The following MICU3 variants were observed in gnomAD, a reference collection of about 807,000 sequenced individuals.
MICU3 encodes calcium uptake protein 3, mitochondrial.
MICU3 carries 62 observed loss-of-function variants against 66.5 expected under a neutral mutation model. That is an observed-to-expected ratio of 0.93 (90% CI 0.76 to 1.15). The LOEUF is 1.15. Ranked by LOEUF, MICU3 falls within the 50% of genes most tolerant of loss-of-function variation. MICU3 has a pLI of 0.00. For synonymous variants in MICU3, 308 were observed against 240.7 expected, an observed-to-expected ratio of 1.28 and a Z score of -2.59; for missense variants, 779 against 664.4, an observed-to-expected ratio of 1.17 and a Z score of -1.90.
intron 1 of MICU3, among the ~76,000 whole-genome samples, chr8:17,029,119 T>C (rs963544227): frequency 1.3e-5 from 2 of 152,212 alleles, no homozygotes; most frequent in African/African-American, 4.8e-5. Context: ...TGGGGTGTTA[T>C]GAGAGTTAAA....
At chr8:17,106,490 A>G (rs1456823641) in intron 11 of MICU3, among the ~76,000 whole-genome samples, 1 of 150,552 alleles carries the variant, frequency 6.6e-6, no homozygotes, top group African/African-American at 2.4e-5. Context: ...AAATTGTACT[A>G]CCCTAGTAGT....
rs1479949848 is a variant in MICU3 at position 17,027,303 on chromosome 8, G to C, written c.24G>C (p.Leu8Phe). The C allele has an allele frequency of 1.3e-6, 2 of 1,524,932 alleles. No individual in the cohort carries two copies. Among genetic ancestry groups the C allele is most frequent in the South Asian group, 1.2e-5 (1 of 82,600 alleles). The allele number at this position is 1,524,932 out of a possible 1,614,324, so 94.5% of individuals were successfully genotyped here. ...CTATGGCTGCGCTGCGAAGGCTCTT[G>C]TGGCCGCCACCCCGGGTGTCTCCTC... MAALRRL[L>F]WPPPRVSPPL... Residue 8 changes from leucine (L) to phenylalanine (F), a missense_variant, in exon 1 of 15, where the codon TTG (leucine) becomes TTC (phenylalanine). Transcript: ENST00000318063.
At chr8:17,109,879 T>C (rs545939224) in intron 11 of MICU3, among the ~76,000 whole-genome samples, 1 of 152,316 alleles carries the variant, frequency 6.6e-6, no homozygotes, top group Non-Finnish European at 1.5e-5. Flanking sequence ...GTAGTATAAT[T>C]ATTGTTATTA....
At chr8:17,102,991 G>A (rs1801399767) in intron 9 of MICU3, among the ~76,000 whole-genome samples, 1 of 151,894 alleles carries the variant, frequency 6.6e-6, no homozygotes, top group Non-Finnish European at 1.5e-5. Context: ...ATATTTAGTC[G>A]ATTACTAAAG....
chr8:17,119,585 C>T (rs1360311880), intron 14 of MICU3, among the ~76,000 whole-genome samples: 2 of 133,800 alleles, frequency 1.5e-5, no homozygotes, highest in African/African-American at 3.5e-5. Flanking sequence ...AGAGGTGTTT[C>T]CCAAAGTGGT....
intron 1 of MICU3, among the ~76,000 whole-genome samples, chr8:17,053,190 GTAT>G (rs1339434758): frequency 2.0e-5 from 3 of 152,040 alleles, no homozygotes; most frequent in African/African-American, 7.2e-5. Flanking sequence ...AAAAGGTAAG[GTAT>G]TATGCAGAGT....
At chr8:17,091,968 C>G (rs1051689290) in intron 8 of MICU3, among the ~76,000 whole-genome samples, 2 of 152,008 alleles carry the variant, frequency 1.3e-5, no homozygotes, top group African/African-American at 2.4e-5. Context: ...ACCTCCAACT[C>G]CCTGGTTCAA....
At chr8:17,090,860 A>G (rs1436104728) in intron 8 of MICU3, among the ~76,000 whole-genome samples, 2 of 152,096 alleles carry the variant, frequency 1.3e-5, no homozygotes, top group African/African-American at 4.8e-5. Context: ...TTGAAATTTT[A>G]TATCTTTTAG....
chr8:17,031,262 T>TTTTTTATTATTATTA (rs111800861), intron 1 of MICU3, among the ~76,000 whole-genome samples: 36 of 139,192 alleles, frequency 2.6e-4, no homozygotes, highest in African/African-American at 8.4e-4. Context: ...TGCCACTTCA[T>TTTTTTATTATTATTA]TTATTATTAT....
At chr8:17,124,685 T>G (rs1040666618), downstream of MICU3, among the ~76,000 whole-genome samples, 3 of 151,880 alleles carry the variant, frequency 2.0e-5, no homozygotes, top group African/African-American at 7.3e-5. Flanking sequence ...GCACAGTAAG[T>G]AAATTTTGAG....
chr8:17,114,941 A>G (rs1249016344), intron 12 of MICU3, among the ~76,000 whole-genome samples: 3 of 151,830 alleles, frequency 2.0e-5, no homozygotes, highest in Admixed American at 2.0e-4. Context: ...AAAACGGTGA[A>G]ACCCCGTCTC....
chr8:17,081,895 A>G, intron 5 of MICU3, 155 bp downstream of exon 5: 1 of 502,526 alleles, frequency 2.0e-6, no homozygotes, highest in Non-Finnish European at 3.6e-6. Context: ...TAAGCATAGC[A>G]CTGTAAAGAG....
In MICU3 at chr8:17,027,471, G is replaced by A. The variant is rs781023389; in HGVS notation, c.192G>A (p.Trp64Ter). ...CGGCATGGAGGCGGCGGCGGCGCTG[G>A]GGGGAGCTGAGCGTGGCGGCGGCGG... Reference protein sequence around the residue: ...AEAAWRRRRRWGELSVAAAAG... With the variant: ...AEAAWRRRRR Residue 64 changes from tryptophan (W) to a stop codon, truncating the protein, a stop_gained, in exon 1 of 15, where the codon TGG (tryptophan) becomes TGA (stop). Coordinates refer to ENST00000318063, the MANE Select transcript of MICU3 (RefSeq NM_181723.3). LOFTEE classifies it high-confidence loss of function. 5.9e-5 allele frequency: 76 copies of A among 1,291,420 alleles called. No individual in the cohort carries two copies. The highest frequency in any genetic ancestry group is 7.1e-5 in the Non-Finnish European group (73 of 1,024,574). The allele number at this position is 1,291,420 out of a possible 1,614,324, so 80.0% of individuals were successfully genotyped here.
chr8:17,067,579 G>A (rs1371734431), intron 2 of MICU3, among the ~76,000 whole-genome samples: 4 of 152,040 alleles, frequency 2.6e-5, no homozygotes, highest in African/African-American at 7.2e-5. Flanking sequence ...ACGGGCAGCT[G>A]CTGTCATGCC....
chr8:17,051,036 G>T (rs1247845492), intron 1 of MICU3, among the ~76,000 whole-genome samples: 1 of 151,952 alleles, frequency 6.6e-6, no homozygotes, highest in African/African-American at 2.4e-5. Context: ...TCTTCAATTG[G>T]TTACACATAA....
chr8:17,105,297 C>T, intron 10 of MICU3, 116 bp from the exon 11 acceptor site: 1 of 599,010 alleles, frequency 1.7e-6, no homozygotes, highest in East Asian at 3.1e-5. Flanking sequence ...TTAATCTTTG[C>T]ATCATCATAC....
At chr8:17,083,074 A>G (rs1821434809) in intron 5 of MICU3, among the ~76,000 whole-genome samples, 2 of 152,006 alleles carry the variant, frequency 1.3e-5, no homozygotes, top group East Asian at 3.9e-4. Flanking sequence ...CAGGGATCAG[A>G]GTTCTTAAGG....
chr8:17,133,959 G>A, the MICU3 span, among the ~76,000 whole-genome samples: 2 of 152,130 alleles, frequency 1.3e-5, no homozygotes, highest in East Asian at 1.9e-4. Flanking sequence ...TAAGACTAAC[G>A]TGCCTCCATC....
intron 1 of MICU3, among the ~76,000 whole-genome samples, chr8:17,033,440 C>T (rs1194798284): frequency 3.3e-5 from 5 of 151,976 alleles, no homozygotes; most frequent in Non-Finnish European, 7.4e-5. Flanking sequence ...TAATTATCAT[C>T]AATTTTTTTT....
Sources: allele counts gnomAD v4.1 joint callset (sites outside exome capture counted in the v4.1 genomes callset), GRCh38; gene constraint gnomAD v4.1.1; transcripts MANE v1.5; gene names NCBI Gene and HGNC (gene_info 2026-07-23, HGNC 2026-07-21).